GPC3: variants seen among roughly 807,000 people sequenced by gnomAD.
The protein encoded by GPC3 is glypican 3, also known as glypican-3.
GPC3 carries 3 observed loss-of-function variants against 34.4 expected under a neutral mutation model. The ratio of observed to expected loss-of-function variants is 0.09; its 90% confidence interval spans 0.04 to 0.23. The LOEUF (loss-of-function observed/expected upper bound fraction) is 0.23. Among genes scored for constraint, GPC3 ranks in the 10% least tolerant of loss-of-function variants. GPC3 has a pLI of 1.00. For synonymous variants in GPC3, 177 were observed against 174.0 expected, an observed-to-expected ratio of 1.02 and a Z score of -0.13; for missense variants, 351 against 445.6, an observed-to-expected ratio of 0.79 and a Z score of 1.91.
At chrX:133,691,514 C>A (rs1030509669) in intron 5 of GPC3, among the ~76,000 whole-genome samples, 2 of 108,929 alleles carry the variant, frequency 1.8e-5, no homozygotes, top group Non-Finnish European at 3.8e-5. Context: ...AAAAAACAAA[C>A]AAAAAAACAA....
chrX:133,882,079 T>A (rs1043384792), intron 2 of GPC3, among the ~76,000 whole-genome samples: 3 of 112,213 alleles, frequency 2.7e-5, no homozygotes, highest in African/African-American at 9.7e-5. Context: ...TATGGCTAAT[T>A]ATGTGTGAGT....
intron 7 of GPC3, among the ~76,000 whole-genome samples, chrX:133,587,823 T>C (rs183569998): frequency 3.0e-4 from 34 of 111,829 alleles, no homozygotes; most frequent in Middle Eastern, 4.6e-3. Context: ...TCAGGAAATA[T>C]TTTATCACCA....
intron 2 of GPC3, among the ~76,000 whole-genome samples, chrX:133,881,339 G>A (rs562587089): frequency 8.9e-6 from 1 of 111,841 alleles, no homozygotes; most frequent in African/African-American, 3.2e-5. Flanking sequence ...TCCACCCTGC[G>A]TGCTCTAATT....
At chrX:133,799,119 C>T (rs898954159) in intron 2 of GPC3, among the ~76,000 whole-genome samples, 4 of 112,137 alleles carry the variant, frequency 3.6e-5, no homozygotes, top group Admixed American at 1.9e-4. Flanking sequence ...GGACTGGGCA[C>T]GGTGGCTCAC....
rs2071074944 is a variant in GPC3 at position 133,692,495 on chromosome X, C to T, written c.1167-1G>A. On this transcript the variant is annotated splice_acceptor_variant, in intron 4 of 7. Transcript: ENST00000370818. LOFTEE classifies it high-confidence loss of function. ...AGACTTCAACTTCTGAATTAGTTCC[C>T]TAAAAGAAAAACAAAACATCTGTGC... 8.3e-7 allele frequency: 1 copy of T among 1,204,272 alleles called. No individual in the cohort carries two copies. Among genetic ancestry groups the T allele is most frequent in the Non-Finnish European group, 1.1e-6 (1 of 889,851 alleles).
intron 3 of GPC3, among the ~76,000 whole-genome samples, chrX:133,752,381 G>C (rs2071675089): frequency 9.0e-6 from 1 of 111,279 alleles, no homozygotes; most frequent in African/African-American, 3.3e-5. Context: ...TTCTAAAACA[G>C]AAAAATAAAA....
intron 2 of GPC3, among the ~76,000 whole-genome samples, chrX:133,850,270 A>T (rs1416909772): frequency 2.9e-5 from 3 of 102,757 alleles, no homozygotes; most frequent in Admixed American, 1.0e-4. Flanking sequence ...AGAAAAATTC[A>T]AACTTTACTG....
At chrX:133,897,253 T>C (rs1215816947) in intron 2 of GPC3, among the ~76,000 whole-genome samples, 13 of 99,782 alleles carry the variant, frequency 1.3e-4, no homozygotes, top group African/African-American at 4.8e-4. Flanking sequence ...TCTCACTATG[T>C]TGCCCAGGCT....
chrX:133,897,809 CAG>C (rs1051671704), intron 2 of GPC3, among the ~76,000 whole-genome samples: 1 of 111,809 alleles, frequency 8.9e-6, no homozygotes, highest in Non-Finnish European at 1.9e-5. Flanking sequence ...AAAAGAAGGA[CAG>C]AGTTTCCTAA....
intron 7 of GPC3, among the ~76,000 whole-genome samples, chrX:133,544,580 C>T (rs940033781): frequency 1.8e-5 from 2 of 112,185 alleles, no homozygotes; most frequent in African/African-American, 6.5e-5. Flanking sequence ...TTTCCCAGTG[C>T]AGTGGCATAG....
At chrX:133,974,474 G>A (rs1333817520) in intron 1 of GPC3, among the ~76,000 whole-genome samples, 1 of 112,717 alleles carries the variant, frequency 8.9e-6, no homozygotes, top group African/African-American at 3.2e-5. Flanking sequence ...GCACATGCAC[G>A]TGTGTGTGTT....
At chrX:133,810,861 CA>C (rs11433697) in intron 2 of GPC3, among the ~76,000 whole-genome samples, 252 of 61,137 alleles carry the variant, frequency 4.1e-3, no homozygotes, top group African/African-American at 0.018. Context: ...GACTCCGTCT[CA>C]AAAAAAAAAA....
At chrX:133,554,592 C>T (rs2124280871) in intron 7 of GPC3, among the ~76,000 whole-genome samples, 1 of 110,982 alleles carries the variant, frequency 9.0e-6, no homozygotes, top group African/African-American at 3.3e-5. Context: ...CCTGCTTTGA[C>T]CTGAGTCACC....
At chrX:133,663,717 G>A (rs1244954961) in intron 5 of GPC3, among the ~76,000 whole-genome samples, 2 of 111,580 alleles carry the variant, frequency 1.8e-5, no homozygotes, top group Non-Finnish European at 3.8e-5. Flanking sequence ...TCCCAAACCA[G>A]CCTAGTTTGG....
intron 2 of GPC3, among the ~76,000 whole-genome samples, chrX:133,783,615 G>A (rs1450037830): frequency 8.9e-6 from 1 of 112,135 alleles, no homozygotes; most frequent in Non-Finnish European, 1.9e-5. Flanking sequence ...CCCTAGAGTG[G>A]GACAAATGTC....
chrX:133,699,287 A>C lies in GPC3; in HGVS notation c.1166+608T>G, dbSNP rs976156428. On this transcript the variant is annotated intron_variant, in intron 4 of 7. Transcript: ENST00000370818. Reference sequence around the variant, plus strand: ...TTTTCAGGTAGGGCACTTCTTCTAGAATTGTATTGGGCTTTTGATCCAATT... The same window carrying C: ...TTTTCAGGTAGGGCACTTCTTCTAGCATTGTATTGGGCTTTTGATCCAATT... Among the ~76,000 whole-genome samples the C allele has an allele frequency of 2.7e-5, 3 of 111,637 alleles. No homozygotes were observed. The East Asian group carries it at 8.4e-4, about 31-fold the overall frequency.
intron 5 of GPC3, among the ~76,000 whole-genome samples, chrX:133,674,913 T>A (rs1294383077): frequency 8.9e-6 from 1 of 111,916 alleles, no homozygotes; most frequent in Non-Finnish European, 1.9e-5. Flanking sequence ...AATGTGGTGA[T>A]CTTCAAAATG....
At chrX:133,906,636 T>C (rs980452311) in intron 2 of GPC3, among the ~76,000 whole-genome samples, 5 of 111,926 alleles carry the variant, frequency 4.5e-5, no homozygotes, top group Non-Finnish European at 5.6e-5. Flanking sequence ...GTTGTATCCA[T>C]TTACAGTCAA....
At chrX:133,902,734 G>GA (rs1173173495) in intron 2 of GPC3, among the ~76,000 whole-genome samples, 8 of 110,650 alleles carry the variant, frequency 7.2e-5, no homozygotes, top group African/African-American at 2.6e-4. Context: ...AAAAGAAAAA[G>GA]AAAAAAAGAA....
Sources: gnomAD v4.1 joint callset for allele counts (sites outside exome capture counted in the v4.1 genomes callset) on GRCh38, gnomAD v4.1.1 for gene constraint, MANE v1.5 for transcripts, NCBI Gene and HGNC (gene_info 2026-07-23, HGNC 2026-07-21) for gene names.